Variants in BRD3 observed in about 807,000 individuals in gnomAD.
The protein encoded by BRD3 is bromodomain containing 3, also known as bromodomain-containing protein 3.
In BRD3, 17 loss-of-function variants were observed where a neutral mutation model predicts 66.8. The observed-to-expected ratio is 0.25, with a 90% CI of 0.17 to 0.38. The LOEUF is 0.38. BRD3 is among the 10% of genes least tolerant of loss of function. BRD3 has a pLI of 1.00. For synonymous variants in BRD3, 421 were observed against 393.2 expected, an observed-to-expected ratio of 1.07 and a Z score of -0.84; for missense variants, 713 against 956.1, an observed-to-expected ratio of 0.75 and a Z score of 3.35.
intron 1 of BRD3, among the ~76,000 whole-genome samples, chr9:134,059,241 C>T (rs1830489011): frequency 6.6e-6 from 1 of 152,204 alleles, no homozygotes; most frequent in Non-Finnish European, 1.5e-5. Flanking sequence ...GAAGAGGGTG[C>T]ACCTCCCTTC....
At chr9:134,037,988 G>A (rs1227913163) in intron 9 of BRD3, among the ~76,000 whole-genome samples, 2 of 152,122 alleles carry the variant, frequency 1.3e-5, no homozygotes, top group African/African-American at 4.8e-5. Context: ...AATCTAATAA[G>A]CCTATACCTA....
In BRD3 at chr9:134,061,696, T is replaced by G. The variant is rs200917441; in HGVS notation, c.-114+6249A>C. 3.3e-5 allele frequency among the ~76,000 whole-genome samples: 5 copies of G among 152,212 alleles called. No homozygotes were observed. In the East Asian group the frequency reaches 9.6e-4, roughly 29 times the overall value. On this transcript the variant is annotated intron_variant, in intron 1 of 11. Transcript: ENST00000303407. ...CAGTGGGGGTCAGATGAGCCCCATCTTCCATAAGTGGAGGGGACGCTCAGA... is the reference window on the plus strand; with the variant it reads ...CAGTGGGGGTCAGATGAGCCCCATCGTCCATAAGTGGAGGGGACGCTCAGA...
chr9:134,063,014 G>A lies in BRD3; in HGVS notation c.-114+4931C>T, dbSNP rs112039680. 2.9e-3 allele frequency among the ~76,000 whole-genome samples: 435 copies of A among 152,274 alleles called. 1 individual carries two copies. The highest frequency in any genetic ancestry group is 9.7e-3 in the African/African-American group (405 of 41,562). On this transcript the variant is annotated intron_variant, in intron 1 of 11. Coordinates refer to ENST00000303407, the MANE Select transcript of BRD3 (RefSeq NM_007371.4). ...CTGTCTGCTCCATCTCCTCTCAGCC[G>A]GCCTGACAAGAACCAAACTCACAAA...
At position 134,053,313 on chromosome 9, in the gene BRD3, G is replaced by A. The variant is rs199653352; in HGVS notation, c.165C>T (p.Phe55=). ...CCACGGGCTGGTAGAAGGGCCAGGC[G>A]AACTGGTGTTTCCAGAGCGTCTTCA... is the stretch of plus-strand genomic sequence containing the variant. ...VVVKTLWKHQ[F]AWPFYQPVDA... Residue 55 remains phenylalanine (F), a synonymous_variant, in exon 2 of 12, where the codon TTC becomes TTT. Coordinates refer to ENST00000303407, the MANE Select transcript of BRD3 (RefSeq NM_007371.4). The A allele has an allele frequency of 1.2e-5, 19 of 1,613,288 alleles. No individual in the cohort carries two copies. In the East Asian group the frequency reaches 1.3e-4, roughly 11 times the overall value.
intron 7 of BRD3, among the ~76,000 whole-genome samples, chr9:134,044,598 A>C (rs555163602): frequency 3.3e-5 from 5 of 152,310 alleles, no homozygotes; most frequent in African/African-American, 7.2e-5. Context: ...CAATTAGAGA[A>C]GGTAAGAATA....
rs443865 is a variant in BRD3, at chr9:134,032,476, C to A, written c.*1114G>T. ...AAAAAAAAAACCACAAAGAAAAAAA[C>A]CAAAAAACCCAACAAACCCAGGGGC... On this transcript the variant is annotated 3_prime_UTR_variant, in exon 12 of 12. Transcript: ENST00000303407. 4,635 of 213,366 alleles carry A rather than the reference C, an allele frequency of 0.022. 67 individuals carry two copies. The highest frequency in any genetic ancestry group is 0.032 in the Non-Finnish European group (3,444 of 107,784). The allele number at this position is 213,366 out of a possible 1,614,324, so 13.2% of individuals were successfully genotyped here. A position where few individuals can be genotyped will look rare whatever the true frequency, so the allele number is the denominator to read the frequency against.
intron 4 of BRD3, 95 bp from the exon 5 acceptor site, chr9:134,050,683 GCT>G (rs1158053345): frequency 9.8e-7 from 1 of 1,023,030 alleles, no homozygotes; most frequent in Non-Finnish European, 1.4e-6. Flanking sequence ...ACGGGTACCA[GCT>G]CTGTGCTGCC....
chr9:134,034,770 T>G lies in BRD3; in HGVS notation c.1996A>C (p.Lys666Gln). The G allele has an allele frequency of 1.2e-6, 2 of 1,611,722 alleles. No individual in the cohort carries two copies. The highest frequency in any genetic ancestry group is 4.5e-5 in the East Asian group (2 of 44,880). ...TCCTGCAGACGCTTTTCCAGCTCCT[T>G]CTTCTTTTCCTGAGCTAGCTCCTCT... ...SKEELAQEKK[K>Q]ELEKRLQDVS... Residue 666 changes from lysine to glutamine, a missense_variant, in exon 11 of 12, where the codon AAG becomes CAG. Physicochemically the swap from Lys to Gln is moderately conservative, Grantham distance 53. Transcript: ENST00000303407.
rs754582064 is a variant in BRD3 at position 134,033,645 on chromosome 9, T to G, written c.2126A>C (p.Glu709Ala). The G allele has an allele frequency of 1.3e-6, 1 of 770,940 alleles. No homozygotes were observed. The highest frequency in any genetic ancestry group is 2.4e-6 in the Non-Finnish European group (1 of 413,876). 47.8% of individuals were successfully genotyped at this position (770,940 alleles called of 1,614,324 possible). A position where few individuals can be genotyped will look rare whatever the true frequency, so the allele number is the denominator to read the frequency against. Residue 709 changes from glutamate (E) to alanine (A), a missense_variant, in exon 12 of 12, where the codon GAG becomes GCG. Physicochemically the swap from Glu to Ala is moderately radical, Grantham distance 107. Transcript: ENST00000303407. This position sits in a 1 kb window ranked among gnomAD's most constrained non-coding sequence, Gnocchi z 5.1. ...CCCGCTGGAGCTGCTGCTCCCAGAC[T>G]CGGAGGAGCTGCTGCTGCTGAGCCT... ...PSRLSSSSSS[E>A]SGSSSSSGSS...
chr9:134,041,922 C>T lies in BRD3; in HGVS notation c.1245G>A (p.Met415Ile). The change falls in exon 8 of 12, where the codon ATG becomes ATA. Residue 415 changes from methionine (M) to isoleucine (I), a missense_variant. This residue lies in a region of BRD3 where 418 missense variants were observed against 609.3 expected (regional missense o/e 0.69). Coordinates refer to ENST00000303407, the MANE Select transcript of BRD3 (RefSeq NM_007371.4). The part of the protein sequence containing the change: ...QDVFEMRFAK[M>I]PDEPVEAPAL... Reference sequence around the variant, plus strand: ...CCGGTGCCTCCACGGGCTCATCTGGCATCTTGGCAAACCTCATCTCAAACA... The same window carrying T: ...CCGGTGCCTCCACGGGCTCATCTGGTATCTTGGCAAACCTCATCTCAAACA... The T allele has an allele frequency of 6.2e-7, 1 of 1,600,870 alleles. No individual in the cohort carries two copies. The highest frequency in any genetic ancestry group is 8.5e-7 in the Non-Finnish European group (1 of 1,172,506).
At chr9:134,064,901 C>A (rs932906383) in intron 1 of BRD3, among the ~76,000 whole-genome samples, 3 of 152,250 alleles carry the variant, frequency 2.0e-5, no homozygotes, top group Non-Finnish European at 4.4e-5. Context: ...AACAAAAACA[C>A]AGGAGCAAGG....
rs1404800208 is a variant in BRD3 at position 134,067,984 on chromosome 9, C to A, written c.-153G>T. On this transcript the variant is annotated 5_prime_UTR_variant, in exon 1 of 12. Coordinates refer to ENST00000303407, the MANE Select transcript of BRD3 (RefSeq NM_007371.4). ...CCGGCGGCCGTCCCCTCCCGGCCCG[C>A]GCGGCCGGCTCCTCTTTGGCTCGCC... 1 of 145,098 alleles carries A rather than the reference C, an allele frequency of 6.9e-6. No homozygotes were observed. Among genetic ancestry groups the A allele is most frequent in the Non-Finnish European group, 1.5e-5 (1 of 65,270 alleles). The allele number at this position is 145,098 out of a possible 1,614,324, so 9.0% of individuals were successfully genotyped here.
chr9:134,057,293 A>C (rs900587530), intron 1 of BRD3: 2 of 152,326 alleles, frequency 1.3e-5, no homozygotes, highest in Admixed American at 1.3e-4. Flanking sequence ...TGGTGGGGTC[A>C]CCCTACCCCA....
At chr9:134,065,117 T>C (rs899979021) in intron 1 of BRD3, among the ~76,000 whole-genome samples, 4 of 152,188 alleles carry the variant, frequency 2.6e-5, no homozygotes, top group East Asian at 3.9e-4. Flanking sequence ...AACCAGATAC[T>C]GGCTTCGTGA....
chr9:134,050,905 G>C, intron 4 of BRD3, among the ~76,000 whole-genome samples: 1 of 152,192 alleles, frequency 6.6e-6, no homozygotes, highest in East Asian at 1.9e-4. Context: ...AGCTGGTACT[G>C]AACTCGGTTC....
At chr9:134,034,379 C>T (rs1048471630) in intron 11 of BRD3, 26 of 279,708 alleles carry the variant, frequency 9.3e-5, no homozygotes, top group African/African-American at 2.2e-4. Context: ...AGAAAGCTCA[C>T]GGTGAGCCCA....
Position 134,053,570 on chromosome 9 carries a change from C to A in BRD3, c.-93G>T. On this transcript the variant is annotated 5_prime_UTR_variant, in exon 2 of 12. The change creates a premature stop within an existing upstream ORF in the 5' untranslated region. Transcript: ENST00000303407. The stretch of plus-strand genomic sequence containing the variant: ...CCTGAGAAAGCGCGACGTCCCATTT[C>A]CGGGCCCAACCAGGCGACAGCTGCA... The A allele has an allele frequency of 6.9e-7, 1 of 1,448,612 alleles. No homozygotes were observed. The highest frequency in any genetic ancestry group is 1.4e-5 in the South Asian group (1 of 70,086). 89.7% of individuals were successfully genotyped at this position (1,448,612 alleles called of 1,614,324 possible). A position where few individuals can be genotyped will look rare whatever the true frequency, so the allele number is the denominator to read the frequency against.
intron 7 of BRD3, among the ~76,000 whole-genome samples, chr9:134,042,734 C>T (rs1388364228): frequency 6.6e-6 from 1 of 150,808 alleles, no homozygotes; most frequent in Non-Finnish European, 1.5e-5. Context: ...CATATATATA[C>T]ACACATATAT....
At chr9:134,067,473 G>A (rs1830688761) in intron 1 of BRD3, among the ~76,000 whole-genome samples, 1 of 148,700 alleles carries the variant, frequency 6.7e-6, no homozygotes, top group Non-Finnish European at 1.5e-5. Flanking sequence ...ACGGCCGCAG[G>A]CCGGGGCCGC....
Sources: allele counts gnomAD v4.1 joint callset (sites outside exome capture counted in the v4.1 genomes callset), GRCh38; gene constraint gnomAD v4.1.1; regional missense constraint gnomAD v4.1.1; non-coding constraint Gnocchi (gnomAD v3.1); transcripts MANE v1.5; gene names NCBI Gene and HGNC (gene_info 2026-07-23, HGNC 2026-07-21).